PDE4D: variants seen among roughly 807,000 people sequenced by gnomAD.
PDE4D encodes 3',5'-cyclic-AMP phosphodiesterase 4D.
PDE4D carries 24 observed loss-of-function variants against 87.4 expected under a neutral mutation model. The observed-to-expected ratio is 0.27, with a 90% CI of 0.20 to 0.39. The LOEUF (loss-of-function observed/expected upper bound fraction) is 0.39, where lower values mean the gene tolerates loss of function less well. Ranked by LOEUF, PDE4D falls within the 10% of genes least tolerant of loss-of-function variation. PDE4D has a pLI of 1.00. For missense variants in PDE4D, 714 were observed against 1,041.0 expected (o/e 0.69, Z 4.32); for synonymous variants, 384 against 383.2 (o/e 1.00, Z -0.02).
At chr5:59,532,854 A>G (rs1369044093) in intron 1 of PDE4D, among the ~76,000 whole-genome samples, 1 of 152,152 alleles carries the variant, frequency 6.6e-6, no homozygotes, top group East Asian at 1.9e-4. Context: ...TGATTGGACC[A>G]TCTGAGAAGA....
At chr5:59,506,115 A>G (rs1809214707) in intron 1 of PDE4D, among the ~76,000 whole-genome samples, 1 of 152,172 alleles carries the variant, frequency 6.6e-6, no homozygotes, top group Non-Finnish European at 1.5e-5. Flanking sequence ...TACCTAACAT[A>G]TGGCTCAGTA....
At chr5:59,844,829 T>A (rs1301966082) in intron 1 of PDE4D, among the ~76,000 whole-genome samples, 1 of 152,058 alleles carries the variant, frequency 6.6e-6, no homozygotes, top group Non-Finnish European at 1.5e-5. Context: ...TCAGTTGATT[T>A]TTGAGTTAAC....
chr5:60,345,967 C>A (rs563502004), intron 1 of PDE4D, among the ~76,000 whole-genome samples: 12 of 150,266 alleles, frequency 8.0e-5, no homozygotes, highest in African/African-American at 3.0e-4. Context: ...TCTTAACAAA[C>A]CTGTTTTCTT....
intron 1 of PDE4D, among the ~76,000 whole-genome samples, chr5:60,402,949 T>G (rs948106745): frequency 6.6e-6 from 1 of 152,200 alleles, no homozygotes; most frequent in African/African-American, 2.4e-5. Flanking sequence ...AACCCAGGCA[T>G]TGCCCCATGC....
intron 1 of PDE4D, among the ~76,000 whole-genome samples, chr5:60,465,090 C>G (rs1421981955): frequency 1.3e-5 from 2 of 151,852 alleles, no homozygotes; most frequent in Non-Finnish European, 2.9e-5. Flanking sequence ...GCCTAAGTGA[C>G]AGCACAACTT....
intron 2 of PDE4D, among the ~76,000 whole-genome samples, chr5:60,133,778 T>C (rs1432743137): frequency 6.6e-6 from 1 of 152,192 alleles, no homozygotes; most frequent in Non-Finnish European, 1.5e-5. Context: ...ATAATACATA[T>C]ACTTAAAATG....
Position 58,975,165 on chromosome 5 carries a change from TAA to T in PDE4D, c.2014-87_2014-86del, listed in dbSNP as rs1743396911. The T allele has an allele frequency of 3.9e-6, 3 of 761,908 alleles. No homozygotes were observed. Among genetic ancestry groups the T allele is most frequent in the Non-Finnish European group, 5.9e-6 (3 of 510,170 alleles). The allele number at this position is 761,908 out of a possible 1,614,324, so 47.2% of individuals were successfully genotyped here. A position where few individuals can be genotyped will look rare whatever the true frequency, so the allele number is the denominator to read the frequency against. On this transcript the variant is annotated intron_variant, in intron 14 of 14. Coordinates refer to ENST00000340635, the MANE Select transcript of PDE4D (RefSeq NM_001104631.2). This position sits in a 1 kb window ranked among gnomAD's most constrained non-coding sequence, Gnocchi z 4.2. ...GCTTAATTAGATCATGGCCCACAAA[TAA>T]AACACTGAACAGAAGACTACTAAAC...
At chr5:60,462,784 A>T (rs1747057814) in intron 1 of PDE4D, among the ~76,000 whole-genome samples, 1 of 152,192 alleles carries the variant, frequency 6.6e-6, no homozygotes, top group African/African-American at 2.4e-5. Flanking sequence ...ATTGCCATCC[A>T]TTGGCATCCA....
At chr5:60,440,642 A>G (rs1347670668) in intron 1 of PDE4D, among the ~76,000 whole-genome samples, 1 of 152,148 alleles carries the variant, frequency 6.6e-6, no homozygotes, top group Non-Finnish European at 1.5e-5. Flanking sequence ...ATGCATATAT[A>G]TTGAAAAATG....
At chr5:58,983,809 G>A (rs950192866) in intron 11 of PDE4D, among the ~76,000 whole-genome samples, 1 of 152,152 alleles carries the variant, frequency 6.6e-6, no homozygotes, top group African/African-American at 2.4e-5. Context: ...CTTGTTCTGT[G>A]CCCCATCTAA....
chr5:59,062,070 A>G (rs1196774667), intron 5 of PDE4D, among the ~76,000 whole-genome samples: 1 of 152,122 alleles, frequency 6.6e-6, no homozygotes, highest in African/African-American at 2.4e-5. Context: ...AGGCAATAGC[A>G]TTATCTAAGT....
chr5:59,931,132 AC>A (rs1297020480), intron 3 of PDE4D, among the ~76,000 whole-genome samples: 2 of 152,258 alleles, frequency 1.3e-5, no homozygotes, highest in Admixed American at 1.3e-4. Flanking sequence ...TCAAAGCAAT[AC>A]TTTTCAAGAA....
intron 1 of PDE4D, among the ~76,000 whole-genome samples, chr5:60,242,993 G>A (rs1386158963): frequency 2.0e-5 from 3 of 151,696 alleles, no homozygotes; most frequent in African/African-American, 7.3e-5. Flanking sequence ...GTTCAGAGCA[G>A]AAATAAATGA....
At chr5:59,893,136 C>T (rs1248661710) in intron 1 of PDE4D, 32 bp downstream of exon 1, 1 of 1,537,456 alleles carries the variant, frequency 6.5e-7, no homozygotes, top group Non-Finnish European at 8.8e-7. Context: ...TGACCCTTTG[C>T]CTGAATGGGG....
chr5:59,402,337 G>A (rs1311697850), intron 1 of PDE4D, among the ~76,000 whole-genome samples: 5 of 152,198 alleles, frequency 3.3e-5, no homozygotes, highest in African/African-American at 1.2e-4. Flanking sequence ...GAGAGCTGAA[G>A]TGAGATAATT....
chr5:60,183,369 G>C (rs1784528368), intron 2 of PDE4D, among the ~76,000 whole-genome samples: 2 of 152,160 alleles, frequency 1.3e-5, no homozygotes, highest in Non-Finnish European at 2.9e-5. Flanking sequence ...GCACAACATG[G>C]TATAGAATCA....
At chr5:59,403,132 G>C (rs569838806) in intron 1 of PDE4D, among the ~76,000 whole-genome samples, 20 of 141,050 alleles carry the variant, frequency 1.4e-4, no homozygotes, top group African/African-American at 5.3e-4. Flanking sequence ...GTACATAATA[G>C]GTAGGTAGGT....
intron 1 of PDE4D, among the ~76,000 whole-genome samples, chr5:60,480,571 CCA>C (rs1181280957): frequency 2.6e-5 from 4 of 152,178 alleles, no homozygotes; most frequent in South Asian, 4.1e-4. Flanking sequence ...GCTCCAGAGA[CCA>C]CAGAGTTATG....
chr5:60,448,266 A>C (rs1745810665), intron 1 of PDE4D, among the ~76,000 whole-genome samples: 1 of 152,168 alleles, frequency 6.6e-6, no homozygotes, highest in African/African-American at 2.4e-5. Flanking sequence ...TAAAAATTCA[A>C]AAAATAATTA....
Sources: gnomAD v4.1 joint callset for allele counts (sites outside exome capture counted in the v4.1 genomes callset) on GRCh38, gnomAD v4.1.1 for gene constraint, Gnocchi (gnomAD v3.1) non-coding constraint, MANE v1.5 for transcripts, NCBI Gene and HGNC (gene_info 2026-07-23, HGNC 2026-07-21) for gene names.